The following LGR6 variants were observed in gnomAD, a reference collection of about 807,000 sequenced individuals.
The protein encoded by LGR6 is leucine rich repeat containing G protein-coupled receptor 6.
LGR6 carries 45 observed loss-of-function variants against 69.4 expected under a neutral mutation model. The ratio of observed to expected loss-of-function variants is 0.65; its 90% CI spans 0.51 to 0.83. LGR6 has a LOEUF of 0.83. LGR6 is among the 40% of genes least tolerant of loss of function. LGR6 has a pLI of 0.00. For synonymous variants in LGR6, 538 were observed against 555.0 expected (o/e 0.97, Z 0.43); for missense variants, 1,108 against 1,246.7 (o/e 0.89, Z 1.68).
chr1:202,274,641 G>A (rs1051210630), intron 4 of LGR6, among the ~76,000 whole-genome samples: 1 of 152,184 alleles, frequency 6.6e-6, no homozygotes, highest in Non-Finnish European at 1.5e-5. Context: ...AGTCTGGGGT[G>A]GGGCCTAAGA....
chr1:202,318,275 C>T lies in LGR6; in HGVS notation c.1972C>T (p.Leu658=). 6.2e-7 allele frequency: 1 copy of T among 1,604,806 alleles called. No individual in the cohort carries two copies. The change falls in exon 18 of 18, where the codon CTG becomes TTG. Residue 658 remains leucine, a synonymous_variant. Coordinates refer to ENST00000367278, the MANE Select transcript of LGR6 (RefSeq NM_001017403.2). ...AGTACTTGGGTCGGAGGCATCGGTG[C>T]TGCTGCTCACTCTGGCCGCAGTGCA... is the stretch of plus-strand genomic sequence containing the variant. ...LAVLGSEASV[L]LLTLAAVQCS...
chr1:202,253,709 A>G (rs1321169381), intron 4 of LGR6, among the ~76,000 whole-genome samples: 4 of 127,534 alleles, frequency 3.1e-5, no homozygotes, highest in African/African-American at 1.2e-4. Context: ...GCTCACTGCA[A>G]CCTCCGCCTC....
intron 16 of LGR6, among the ~76,000 whole-genome samples, chr1:202,312,203 A>G: frequency 6.6e-6 from 1 of 152,238 alleles, no homozygotes; most frequent in Non-Finnish European, 1.5e-5. Context: ...GAAAGCCAGG[A>G]GCTGCTGCTC....
chr1:202,283,834 G>A (rs1353974802), intron 6 of LGR6, among the ~76,000 whole-genome samples: 2 of 152,256 alleles, frequency 1.3e-5, no homozygotes, highest in East Asian at 3.9e-4. Context: ...TGCACCTGCA[G>A]CAACACACCC....
intron 7 of LGR6, 142 bp downstream of exon 7, chr1:202,297,718 C>CT (rs1667267330): frequency 4.7e-6 from 3 of 637,376 alleles, no homozygotes; most frequent in Non-Finnish European, 2.7e-6. Context: ...CCTCCCGCCC[C>CT]GGCTCCCCAA....
At chr1:202,291,805 G>A (rs1255222406) in intron 6 of LGR6, among the ~76,000 whole-genome samples, 1 of 152,170 alleles carries the variant, frequency 6.6e-6, no homozygotes, top group African/African-American at 2.4e-5. Flanking sequence ...GCAATTAAAT[G>A]AATTAATATA....
Position 202,318,545 on chromosome 1 carries a change from G to A in LGR6, c.2242G>A (p.Ala748Thr). The A allele has an allele frequency of 6.2e-7, 1 of 1,614,072 alleles. No homozygotes were observed. Among genetic ancestry groups the A allele is most frequent in the Non-Finnish European group, 8.5e-7 (1 of 1,180,010 alleles). ...GAACTCCTTCTGTTTCCTGGTCGTG[G>A]CCGGTGCCTACATCAAACTGTACTG... ...MMNSFCFLVV[A>T]GAYIKLYCDL... The change falls in exon 18 of 18, where the codon GCC becomes ACC. Residue 748 changes from alanine (A) to threonine (T), a missense_variant. By Grantham distance (58) the Ala-to-Thr change is moderately conservative. Transcript: ENST00000367278.
intron 3 of LGR6, among the ~76,000 whole-genome samples, chr1:202,234,468 C>T (rs371208255): frequency 3.9e-5 from 6 of 152,146 alleles, no homozygotes; most frequent in East Asian, 1.9e-4. Context: ...CTGACCAGGA[C>T]GTCACATAGG....
chr1:202,314,705 A>C, intron 16 of LGR6, 97 bp from the exon 17 acceptor site: 1 of 828,020 alleles, frequency 1.2e-6, no homozygotes, highest in Non-Finnish European at 2.1e-6. Context: ...GAGCAGAGTT[A>C]GTAAGGGACA....
intron 1 of LGR6, among the ~76,000 whole-genome samples, chr1:202,218,687 C>G (rs1187553243): frequency 6.6e-6 from 1 of 152,140 alleles, no homozygotes; most frequent in Admixed American, 6.5e-5. Flanking sequence ...TGGTGCTTTC[C>G]TCTCTGAACT....
At chr1:202,220,642 G>A (rs959594494) in intron 1 of LGR6, among the ~76,000 whole-genome samples, 4 of 152,210 alleles carry the variant, frequency 2.6e-5, no homozygotes, top group Non-Finnish European at 5.9e-5. Flanking sequence ...TGTCCTGGGG[G>A]GATAACAACG....
chr1:202,257,790 A>C (rs1663896593), intron 4 of LGR6, among the ~76,000 whole-genome samples: 1 of 152,086 alleles, frequency 6.6e-6, no homozygotes, highest in East Asian at 1.9e-4. Context: ...AGGTTTGACT[A>C]TTCTTGCTCC....
chr1:202,214,858 A>G (rs1659656377), intron 1 of LGR6, among the ~76,000 whole-genome samples: 1 of 152,138 alleles, frequency 6.6e-6, no homozygotes, highest in African/African-American at 2.4e-5. Flanking sequence ...CAGCAAACGT[A>G]GCTCTTTTTA....
chr1:202,297,433 A>T, intron 6 of LGR6, 75 bp from the exon 7 acceptor site: 1 of 1,248,066 alleles, frequency 8.0e-7, no homozygotes, highest in Admixed American at 2.1e-5. Flanking sequence ...CCCAGAGCCA[A>T]GTTTCCATTT....
At chr1:202,209,272 G>C (rs538219642) in intron 1 of LGR6, among the ~76,000 whole-genome samples, 50 of 152,248 alleles carry the variant, frequency 3.3e-4, no homozygotes, top group African/African-American at 1.2e-3. Context: ...GCCTATAAAG[G>C]CAACCTTGGA....
intron 4 of LGR6, among the ~76,000 whole-genome samples, chr1:202,267,668 T>C (rs1664778252): frequency 6.6e-6 from 1 of 152,174 alleles, no homozygotes; most frequent in African/African-American, 2.4e-5. Context: ...TGATAATATA[T>C]GTAAATGCTG....
chr1:202,319,269 A>G lies in LGR6; in HGVS notation c.*62A>G. Reference sequence around the variant, plus strand: ...TTTCCTCTCTCCCCCTCGGTGAATGATGGCTGCTTCTAAAACAAATACAAC... The same window carrying G: ...TTTCCTCTCTCCCCCTCGGTGAATGGTGGCTGCTTCTAAAACAAATACAAC... On this transcript the variant is annotated 3_prime_UTR_variant, in exon 18 of 18. Transcript: ENST00000367278. The G allele has an allele frequency of 6.8e-7, 1 of 1,465,004 alleles. No homozygotes were observed. The highest frequency in any genetic ancestry group is 1.4e-5 in the African/African-American group (1 of 70,690). The allele number at this position is 1,465,004 out of a possible 1,614,324, so 90.8% of individuals were successfully genotyped here.
At chr1:202,237,577 T>G (rs989446660) in intron 4 of LGR6, among the ~76,000 whole-genome samples, 2 of 152,200 alleles carry the variant, frequency 1.3e-5, no homozygotes, top group Non-Finnish European at 2.9e-5. Flanking sequence ...CTAAAGGTCT[T>G]GCTTTCGGAC....
At chr1:202,279,493 T>A (rs1301994077) in intron 5 of LGR6, among the ~76,000 whole-genome samples, 2 of 152,268 alleles carry the variant, frequency 1.3e-5, no homozygotes, top group Non-Finnish European at 2.9e-5. Context: ...AAGATGTTTT[T>A]AAATTCTTGA....
Sources: gnomAD v4.1 joint callset for allele counts (sites outside exome capture counted in the v4.1 genomes callset) on GRCh38, gnomAD v4.1.1 for gene constraint, MANE v1.5 for transcripts, NCBI Gene and HGNC (gene_info 2026-07-23, HGNC 2026-07-21) for gene names.